Variants in ADARB2 observed in about 807,000 individuals in gnomAD.
ADARB2 encodes the protein adenosine deaminase RNA specific B2 (inactive), also known as inactive double-stranded RNA-specific editase B2.
In ADARB2, 25 loss-of-function variants were observed where a neutral mutation model predicts 62.2. That is an observed-to-expected ratio of 0.40 (90% CI 0.29 to 0.56). The LOEUF is 0.56. ADARB2 is among the 20% of genes least tolerant of loss of function. The probability of loss-of-function intolerance (pLI) is 0.43; values close to 1 mark genes in which losing one functional copy is unlikely to be tolerated. For missense variants in ADARB2, 1,071 were observed against 1,077.4 expected (o/e 0.99, Z 0.08); for synonymous variants, 572 against 500.8 (o/e 1.14, Z -1.90).
intron 3 of ADARB2, among the ~76,000 whole-genome samples, chr10:1,294,680 T>C (rs1323909363): frequency 6.6e-6 from 1 of 152,156 alleles, no homozygotes; most frequent in Non-Finnish European, 1.5e-5. Flanking sequence ...GCCCCCAACG[T>C]CAAAGCTTTG....
At chr10:1,598,802 C>T (rs905892359) in intron 1 of ADARB2, among the ~76,000 whole-genome samples, 3 of 152,256 alleles carry the variant, frequency 2.0e-5, no homozygotes, top group African/African-American at 7.2e-5. Context: ...AGGAGGCAGA[C>T]TGGAATCCGC....
rs997071836 is a variant in ADARB2 at position 1,658,688 on chromosome 10, C to T, written c.100+78363G>A. On this transcript the variant is annotated intron_variant, in intron 1 of 9. Transcript: ENST00000381312. Reference sequence around the variant, plus strand: ...TGTCTGCATCAGGAGGTCTCCTTGGCGATGAGGTCTAAGGAGCAACTGGCA... The same window carrying T: ...TGTCTGCATCAGGAGGTCTCCTTGGTGATGAGGTCTAAGGAGCAACTGGCA... 8.5e-5 allele frequency among the ~76,000 whole-genome samples: 13 copies of T among 152,338 alleles called. No individual in the cohort carries two copies. In the East Asian group the frequency reaches 2.1e-3, roughly 25 times the overall value.
intron 8 of ADARB2, among the ~76,000 whole-genome samples, chr10:1,189,727 G>A (rs1836812676): frequency 6.6e-6 from 1 of 151,314 alleles, no homozygotes; most frequent in South Asian, 2.1e-4. Flanking sequence ...AGAACACATG[G>A]CCCTACCTCC....
At chr10:1,509,713 G>A (rs1831896593) in intron 1 of ADARB2, among the ~76,000 whole-genome samples, 1 of 152,246 alleles carries the variant, frequency 6.6e-6, no homozygotes, top group Non-Finnish European at 1.5e-5. Flanking sequence ...TTAGGTCCGT[G>A]CAGGCTCAAA....
chr10:1,388,911 C>T (rs561035629), intron 1 of ADARB2, among the ~76,000 whole-genome samples: 42 of 152,254 alleles, frequency 2.8e-4, no homozygotes, highest in African/African-American at 9.6e-4. Flanking sequence ...AATATTGATA[C>T]TGCAGAACAA....
intron 1 of ADARB2, among the ~76,000 whole-genome samples, chr10:1,501,879 C>G (rs1831772221): frequency 6.6e-6 from 1 of 152,204 alleles, no homozygotes; most frequent in Non-Finnish European, 1.5e-5. Flanking sequence ...CCATTTGATT[C>G]ATTAATCAAC....
At position 1,231,822 on chromosome 10, in the gene ADARB2, C is replaced by T. The variant is rs1010151067; in HGVS notation, c.1513+1872G>A. 8.5e-5 allele frequency among the ~76,000 whole-genome samples: 13 copies of T among 152,176 alleles called. No individual in the cohort carries two copies. In the South Asian group the frequency reaches 2.5e-3, roughly 29 times the overall value. On this transcript the variant is annotated intron_variant, in intron 6 of 9. Transcript: ENST00000381312. ...AAAGCAGTGGGGCTGGAGGGAAGTC[C>T]GCAAAAAGGAGGAGGAATGTTTCTG... is the stretch of plus-strand genomic sequence containing the variant.
chr10:1,258,682 C>A (rs1329419948), intron 4 of ADARB2, among the ~76,000 whole-genome samples: 4 of 152,178 alleles, frequency 2.6e-5, no homozygotes, highest in Non-Finnish European at 5.9e-5. Flanking sequence ...GAGACTTAGA[C>A]TCCCCACAAT....
intron 1 of ADARB2, among the ~76,000 whole-genome samples, chr10:1,709,249 T>C (rs1207472166): frequency 3.3e-5 from 5 of 152,234 alleles, no homozygotes; most frequent in Non-Finnish European, 2.9e-5. Flanking sequence ...TGCTACAATG[T>C]ACACAGCTAA....
intron 1 of ADARB2, among the ~76,000 whole-genome samples, chr10:1,432,261 T>C (rs895247027): frequency 6.6e-6 from 1 of 152,138 alleles, no homozygotes; most frequent in East Asian, 1.9e-4. Flanking sequence ...GGTGTCTTAT[T>C]TAACTTGTGA....
intron 1 of ADARB2, among the ~76,000 whole-genome samples, chr10:1,684,854 G>A (rs1473331313): frequency 6.6e-6 from 1 of 152,198 alleles, no homozygotes; most frequent in Non-Finnish European, 1.5e-5. Context: ...TCTGAGTGTG[G>A]GTTCTTATCC....
chr10:1,605,565 T>C (rs1833484816), intron 1 of ADARB2, among the ~76,000 whole-genome samples: 1 of 152,252 alleles, frequency 6.6e-6, no homozygotes. Flanking sequence ...TTTTAATATA[T>C]GTAGTTTCTA....
At chr10:1,279,787 C>T (rs966577377) in intron 3 of ADARB2, among the ~76,000 whole-genome samples, 2 of 152,214 alleles carry the variant, frequency 1.3e-5, no homozygotes, top group African/African-American at 4.8e-5. Context: ...CCATGCTTGG[C>T]TCACTGTTAT....
intron 8 of ADARB2, among the ~76,000 whole-genome samples, chr10:1,196,948 C>G (rs1184379463): frequency 6.6e-6 from 1 of 152,172 alleles, no homozygotes. Context: ...ATTTTTTCCA[C>G]CAAAAATTCC....
chr10:1,355,709 T>C (rs930024825), intron 3 of ADARB2, among the ~76,000 whole-genome samples: 2 of 152,222 alleles, frequency 1.3e-5, no homozygotes, highest in African/African-American at 2.4e-5. Flanking sequence ...TACTTATCAG[T>C]TACATATTAC....
At chr10:1,656,531 GGAGAGA>G (rs35967442) in intron 1 of ADARB2, among the ~76,000 whole-genome samples, 29 of 150,186 alleles carry the variant, frequency 1.9e-4, no homozygotes, top group Non-Finnish European at 3.9e-4. Context: ...AGAGAAAAAG[GGAGAGA>G]GAGAGAGAGA....
In ADARB2 at chr10:1,477,891, C is replaced by A. The variant is rs1831422611; in HGVS notation, c.101-98731G>T. ...TCTCACAGGTGCACTGGGAGGTTCCCTCCTGCCCTGACATGCATCCCAGGG... is the reference window on the plus strand; with the variant it reads ...TCTCACAGGTGCACTGGGAGGTTCCATCCTGCCCTGACATGCATCCCAGGG... On this transcript the variant is annotated intron_variant, in intron 1 of 9. Transcript: ENST00000381312. The surrounding 1 kb of genome is among the most constrained non-coding windows in gnomAD (Gnocchi z 4.5). Among the ~76,000 whole-genome samples the A allele has an allele frequency of 6.6e-6, 1 of 152,360 alleles. No homozygotes were observed. Among genetic ancestry groups the A allele is most frequent in the African/African-American group, 2.4e-5 (1 of 41,586 alleles).
chr10:1,581,910 A>T (rs185026705), intron 1 of ADARB2, among the ~76,000 whole-genome samples: 26 of 151,808 alleles, frequency 1.7e-4, no homozygotes, highest in Admixed American at 1.4e-3. Flanking sequence ...CACACATGCT[A>T]AGTACACAGT....
At chr10:1,257,521 C>A (rs546504506) in intron 4 of ADARB2, among the ~76,000 whole-genome samples, 8 of 152,300 alleles carry the variant, frequency 5.3e-5, no homozygotes, top group Admixed American at 1.3e-4. Context: ...CCTCCATGCA[C>A]ACCTCTTCCT....
Sources: allele counts gnomAD v4.1 joint callset (sites outside exome capture counted in the v4.1 genomes callset), GRCh38; gene constraint gnomAD v4.1.1; non-coding constraint Gnocchi (gnomAD v3.1); transcripts MANE v1.5; gene names NCBI Gene and HGNC (gene_info 2026-07-23, HGNC 2026-07-21).